Variants in PLEKHM1 observed in about 807,000 individuals in gnomAD.
PLEKHM1 encodes pleckstrin homology and RUN domain containing M1, also known as pleckstrin homology domain-containing family M member 1.
Under a neutral mutation model 94.3 loss-of-function variants are expected in PLEKHM1, and 28 were observed. The ratio of observed to expected loss-of-function variants is 0.30; its 90% CI spans 0.22 to 0.41. The LOEUF (loss-of-function observed/expected upper bound fraction) is 0.41. Among genes scored for constraint, PLEKHM1 ranks in the 10% least tolerant of loss-of-function variants. The pLI, the probability that PLEKHM1 is intolerant of heterozygous loss-of-function variation, is 1.00. For missense variants in PLEKHM1, 907 were observed against 1,358.6 expected, an observed-to-expected ratio of 0.67 and a Z score of 5.22; for synonymous variants, 424 against 581.2, an observed-to-expected ratio of 0.73 and a Z score of 3.89.
rs762266529 is a variant in PLEKHM1, at chr17:45,454,158, T to C, written c.1694A>G (p.Tyr565Cys). The change falls in exon 7 of 12, where the codon TAC (tyrosine) becomes TGC (cysteine). Residue 565 changes from tyrosine to cysteine, a missense_variant. Physicochemically the swap from Tyr to Cys is radical, Grantham distance 194 (BLOSUM62 -2). Around this residue, in one of 3 missense-constraint regions of PLEKHM1, gnomAD observed 477 missense variants for 601.5 expected, o/e 0.79. Coordinates refer to ENST00000430334, the MANE Select transcript of PLEKHM1 (RefSeq NM_014798.3). ...ACAGGTGTGCTCCTCGTTGCTCAGG[T>C]AGAGGCGGAACTCCAGCGGGGAGAG... The part of the protein sequence containing the change: ...CELSPLEFRL[Y>C]LSNEEHTCVE... 3.7e-6 allele frequency: 6 copies of C among 1,613,918 alleles called. No individual in the cohort carries two copies. In the African/African-American group the frequency reaches 4.0e-5, roughly 11 times the overall value.
intron 3 of PLEKHM1, chr17:45,477,109 CAGTT>C (rs1178242957): frequency 1.3e-5 from 2 of 152,582 alleles, no homozygotes; most frequent in Non-Finnish European, 1.5e-5. Context: ...AAAGCCCAGA[CAGTT>C]AGGGGCCAAA....
rs2050393720 is a variant in PLEKHM1 at position 45,440,016 on chromosome 17, G to A, written c.2901+147C>T. The A allele has an allele frequency of 3.8e-6, 3 of 784,882 alleles. No individual in the cohort carries two copies. In the Admixed American group the frequency reaches 6.1e-5, roughly 16 times the overall value. The allele number at this position is 784,882 out of a possible 1,614,324, so 48.6% of individuals were successfully genotyped here. ...CCCTGCCCAGGAAGCTGGGGCAGCA[G>A]GGCAACCCACCCTGAGCTGCAGAAA... On this transcript the variant is annotated intron_variant, in intron 10 of 11. Coordinates refer to ENST00000430334, the MANE Select transcript of PLEKHM1 (RefSeq NM_014798.3).
In PLEKHM1 at chr17:45,464,851, G is replaced by C. The variant is rs937944578; in HGVS notation, c.1308+3358C>G. Among the ~76,000 whole-genome samples the C allele has an allele frequency of 2.5e-4, 38 of 152,290 alleles. 1 individual carries two copies. The highest frequency in any genetic ancestry group is 2.1e-3 in the Admixed American group (32 of 15,294). On this transcript the variant is annotated intron_variant, in intron 5 of 11. Transcript: ENST00000430334. The stretch of plus-strand genomic sequence containing the variant: ...CAAATTGCTAGGATTAGAGGCGTGA[G>C]CTATCACGCCTCGCCTGAACGTCCA...
chr17:45,463,853 A>G (rs572143446), intron 5 of PLEKHM1: 77 of 152,454 alleles, frequency 5.1e-4, no homozygotes, highest in African/African-American at 1.6e-3. Flanking sequence ...GAGAAATGCC[A>G]CCTTGCGTTA....
In PLEKHM1 at chr17:45,439,766, C is replaced by T. The variant is rs200087316; in HGVS notation, c.2902-132G>A. 5.0e-5 allele frequency: 60 copies of T among 1,188,560 alleles called. No individual in the cohort carries two copies. In the East Asian group the frequency reaches 1.4e-3, roughly 28 times the overall value. 73.6% of individuals were successfully genotyped at this position (1,188,560 alleles called of 1,614,324 possible). A position where few individuals can be genotyped will look rare whatever the true frequency, so the allele number is the denominator to read the frequency against. On this transcript the variant is annotated intron_variant, in intron 10 of 11. Coordinates refer to ENST00000430334, the MANE Select transcript of PLEKHM1 (RefSeq NM_014798.3). Reference sequence around the variant, plus strand: ...CACCCTGCCTGGAGAACTTCTACCCCCCGTTTCCACACGGGCAAGAAAAGA... The same window carrying T: ...CACCCTGCCTGGAGAACTTCTACCCTCCGTTTCCACACGGGCAAGAAAAGA...
In PLEKHM1 at chr17:45,436,985, T is replaced by A. The variant is rs1483022231; in HGVS notation, c.*873A>T. 4.4e-6 allele frequency: 2 copies of A among 451,474 alleles called. No individual in the cohort carries two copies. The highest frequency in any genetic ancestry group is 8.9e-6 in the Non-Finnish European group (2 of 224,628). The allele number at this position is 451,474 out of a possible 1,614,324, so 28.0% of individuals were successfully genotyped here. A position where few individuals can be genotyped will look rare whatever the true frequency, so the allele number is the denominator to read the frequency against. ...GCATCTGCAGCAGCGCCCCTGTCTG[T>A]AGAGGGGTGAGGAGCGCACGGGGAT... is the stretch of plus-strand genomic sequence containing the variant. On this transcript the variant is annotated 3_prime_UTR_variant, in exon 12 of 12. Transcript: ENST00000430334.
chr17:45,466,056 C>T (rs1030824281), intron 5 of PLEKHM1, among the ~76,000 whole-genome samples: 1 of 152,100 alleles, frequency 6.6e-6, no homozygotes, highest in African/African-American at 2.4e-5. Flanking sequence ...CTTCAGGGTC[C>T]TAGAGCATTC....
At chr17:45,486,773 T>A (rs1383658357) in intron 1 of PLEKHM1, among the ~76,000 whole-genome samples, 1 of 152,114 alleles carries the variant, frequency 6.6e-6, no homozygotes, top group African/African-American at 2.4e-5. Context: ...AGGACACCTC[T>A]GTTTGTAGGC....
chr17:45,452,119 G>T (rs1567772961), intron 7 of PLEKHM1, among the ~76,000 whole-genome samples: 1 of 152,158 alleles, frequency 6.6e-6, no homozygotes, highest in Non-Finnish European at 1.5e-5. Context: ...TCACCTAAGG[G>T]TCCCATGGTG....
chr17:45,485,598 T>G (rs1239182790), intron 1 of PLEKHM1, among the ~76,000 whole-genome samples: 1 of 152,156 alleles, frequency 6.6e-6, no homozygotes, highest in African/African-American at 2.4e-5. Flanking sequence ...AGTAACAGTA[T>G]GCTAAGAAGA....
intron 9 of PLEKHM1, among the ~76,000 whole-genome samples, chr17:45,443,896 G>A (rs984819766): frequency 3.3e-5 from 5 of 152,118 alleles, no homozygotes; most frequent in Non-Finnish European, 7.4e-5. Context: ...GCCTCCTGGG[G>A]TGAAGTCTTC....
In PLEKHM1 at chr17:45,475,173, A is replaced by G; in HGVS notation, c.850T>C (p.Cys284Arg). ...GAGTCACAGGACATGGGCTCCTCGC[A>G]ATGGTCTGGACTCTTGGAGCCATTC... is the stretch of plus-strand genomic sequence containing the variant. ...QENGSKSPDH[C>R]EEPMSCDSDL... The change falls in exon 4 of 12, where the codon TGC (cysteine) becomes CGC (arginine). Residue 284 changes from cysteine to arginine, a missense_variant. Cys to Arg is a radical substitution (Grantham distance 180). Coordinates refer to ENST00000430334, the MANE Select transcript of PLEKHM1 (RefSeq NM_014798.3). The G allele has an allele frequency of 6.8e-6, 11 of 1,613,958 alleles. No homozygotes were observed. Among genetic ancestry groups the G allele is most frequent in the Non-Finnish European group, 9.3e-6 (11 of 1,179,866 alleles).
At chr17:45,434,275 T>A (rs1485703162), downstream of PLEKHM1, 1 of 152,174 alleles carries the variant, frequency 6.6e-6, no homozygotes, top group Non-Finnish European at 1.5e-5. Flanking sequence ...CAGGCAGGTA[T>A]GATGCCCCAC....
At chr17:45,457,389 C>A (rs2050993683) in intron 6 of PLEKHM1, among the ~76,000 whole-genome samples, 2 of 151,892 alleles carry the variant, frequency 1.3e-5, no homozygotes, top group South Asian at 2.1e-4. Context: ...TTTCGAGAAA[C>A]CCCGTCTCTA....
rs1234816754 is a variant in PLEKHM1, at chr17:45,436,547, G to A, written c.*1311C>T. 6.6e-6 allele frequency: 3 copies of A among 452,802 alleles called. No individual in the cohort carries two copies. The Admixed American group carries it at 7.1e-5, about 11-fold the overall frequency. The allele number at this position is 452,802 out of a possible 1,614,324, so 28.0% of individuals were successfully genotyped here. ...AAGCTGAGCGCAGGTAAGACAGCTA[G>A]GACTGAGGGCCTGCTAGGTCCAGGA... is the stretch of plus-strand genomic sequence containing the variant. On this transcript the variant is annotated 3_prime_UTR_variant, in exon 12 of 12. Transcript: ENST00000430334.
rs528404155 is a variant in PLEKHM1, at chr17:45,453,941, G to A, written c.1911C>T (p.Asn637=). 2.5e-5 allele frequency: 41 copies of A among 1,613,836 alleles called. No individual in the cohort carries two copies. The East Asian group carries it at 4.5e-4, about 18-fold the overall frequency. ...CCTCAGGCTGGTCTGGGTACTGCACGTTCACCCACTCATCCTCCTGCTGAG... is the reference window on the plus strand; with the variant it reads ...CCTCAGGCTGGTCTGGGTACTGCACATTCACCCACTCATCCTCCTGCTGAG... ...VRPQQEDEWV[N]VQYPDQPEEP... The change falls in exon 7 of 12, where the codon AAC becomes AAT. Residue 637 remains asparagine, a synonymous_variant. Transcript: ENST00000430334. The surrounding 1 kb of genome is among the most constrained non-coding windows in gnomAD (Gnocchi z 4.1).
At chr17:45,470,720 G>A (rs1366246576) in intron 4 of PLEKHM1, among the ~76,000 whole-genome samples, 7 of 150,730 alleles carry the variant, frequency 4.6e-5, no homozygotes, top group Admixed American at 2.6e-4. Context: ...GTGCAGTGGC[G>A]CCATCTCGGC....
rs1483111175 is a variant in PLEKHM1, at chr17:45,478,120, C to A, written c.76G>T (p.Val26Leu). ...ACGTACTGCTTCTGCAAGGCCTTCA[C>A]GGATCCCACCAGCTTCTTCTTGATG... ...PVIKKKLVGS[V>L]KALQKQYVSL... The change falls in exon 3 of 12, where the codon GTG becomes TTG. Residue 26 changes from valine to leucine, a missense_variant. Around this residue, in one of 3 missense-constraint regions of PLEKHM1, gnomAD observed 176 missense variants for 306.0 expected, o/e 0.58. Coordinates refer to ENST00000430334, the MANE Select transcript of PLEKHM1 (RefSeq NM_014798.3). 6.2e-7 allele frequency: 1 copy of A among 1,614,236 alleles called. No homozygotes were observed. The highest frequency in any genetic ancestry group is 2.2e-5 in the East Asian group (1 of 44,886).
chr17:45,458,180 C>T lies in PLEKHM1; in HGVS notation c.1568G>A (p.Arg523Gln), dbSNP rs765353297. The T allele has an allele frequency of 8.7e-6, 14 of 1,613,478 alleles. No individual in the cohort carries two copies. The highest frequency in any genetic ancestry group is 4.4e-5 in the South Asian group (4 of 90,888). The stretch of plus-strand genomic sequence containing the variant: ...TCCTGGTAACCTACCCATCTGTCTC[C>T]GGTGTACCACCCGGAAGCTCTTATG... ...QGHKSFRVVHRRQMGLSNPFR... is the reference protein window; with the variant it reads ...QGHKSFRVVHQRQMGLSNPFR... The change falls in exon 6 of 12, where the codon CGG (arginine) becomes CAG (glutamine). Residue 523 changes from arginine (R) to glutamine (Q), a missense_variant. Arg to Gln is a conservative substitution (Grantham distance 43, BLOSUM62 1). Around this residue, in one of 3 missense-constraint regions of PLEKHM1, gnomAD observed 477 missense variants for 601.5 expected, o/e 0.79. Coordinates refer to ENST00000430334, the MANE Select transcript of PLEKHM1 (RefSeq NM_014798.3).
Sources: gnomAD v4.1 joint callset for allele counts (sites outside exome capture counted in the v4.1 genomes callset) on GRCh38, gnomAD v4.1.1 for gene constraint, gnomAD v4.1.1 regional missense constraint, Gnocchi (gnomAD v3.1) non-coding constraint, MANE v1.5 for transcripts, NCBI Gene and HGNC (gene_info 2026-07-23, HGNC 2026-07-21) for gene names.